The following UBAC2 variants were observed in gnomAD, a reference collection of about 807,000 sequenced individuals.
The protein encoded by UBAC2 is UBA domain containing 2.
UBAC2 carries 26 observed loss-of-function variants against 44.0 expected under a neutral mutation model. The ratio of observed to expected loss-of-function variants is 0.59; its 90% CI spans 0.43 to 0.82. The LOEUF is 0.82. Among genes scored for constraint, UBAC2 ranks in the 40% least tolerant of loss-of-function variants. The pLI is 0.00. For missense variants in UBAC2, 329 were observed against 419.4 expected, an observed-to-expected ratio of 0.78 and a Z score of 1.88; for synonymous variants, 155 against 154.3, an observed-to-expected ratio of 1.00 and a Z score of -0.04.
chr13:99,375,801 C>CTTTTTTTTTTTTT (rs34318354), intron 8 of UBAC2, among the ~76,000 whole-genome samples: 3 of 110,888 alleles, frequency 2.7e-5, no homozygotes, highest in African/African-American at 3.7e-5. Flanking sequence ...TCCTTTTTCC[C>CTTTTTTTTTTTTT]TTTTTTTTTT....
chr13:99,315,201 G>A (rs954310069), intron 5 of UBAC2, among the ~76,000 whole-genome samples: 5 of 151,536 alleles, frequency 3.3e-5, no homozygotes, highest in East Asian at 1.9e-4. Context: ...ACCGTTACAC[G>A]CCCCCTGATC....
intron 4 of UBAC2, among the ~76,000 whole-genome samples, chr13:99,301,651 AAAT>A (rs1183004448): frequency 1.3e-5 from 2 of 152,220 alleles, no homozygotes; most frequent in African/African-American, 4.8e-5. Context: ...AAGGAAAAAA[AAAT>A]AAAAGGCCCC....
At chr13:99,299,994 C>T (rs910942610) in intron 4 of UBAC2, among the ~76,000 whole-genome samples, 3 of 152,236 alleles carry the variant, frequency 2.0e-5, no homozygotes, top group African/African-American at 7.2e-5. Context: ...CTGTTTCATG[C>T]TGCCCTTAAA....
intron 1 of UBAC2, chr13:99,215,825 CA>C (rs769292053): frequency 9.5e-5 from 55 of 577,956 alleles, no homozygotes; most frequent in Non-Finnish European, 1.6e-4. Flanking sequence ...GAGATCCCAC[CA>C]TCTACTCCTT....
chr13:99,269,705 C>T (rs755025611), intron 4 of UBAC2, among the ~76,000 whole-genome samples: 7 of 152,108 alleles, frequency 4.6e-5, no homozygotes, highest in Non-Finnish European at 8.8e-5. Flanking sequence ...ATTATTACTA[C>T]GAATTCTTAC....
intron 7 of UBAC2, among the ~76,000 whole-genome samples, chr13:99,345,702 C>G (rs529177449): frequency 6.6e-6 from 1 of 152,126 alleles, no homozygotes; most frequent in South Asian, 2.1e-4. Flanking sequence ...ACTTCACTGT[C>G]CCATCAGCTC....
intron 7 of UBAC2, among the ~76,000 whole-genome samples, chr13:99,345,855 G>C (rs1383423560): frequency 6.8e-6 from 1 of 147,968 alleles, no homozygotes; most frequent in Non-Finnish European, 1.5e-5. Flanking sequence ...CAATTCTCCT[G>C]CCTCAGCCTC....
chr13:99,314,341 T>C, intron 5 of UBAC2, 121 bp downstream of exon 5: 1 of 1,187,664 alleles, frequency 8.4e-7, no homozygotes. Context: ...TAATCTTGGC[T>C]TCATGATCTA....
chr13:99,211,872 G>A (rs966152137), intron 1 of UBAC2, among the ~76,000 whole-genome samples: 12 of 152,188 alleles, frequency 7.9e-5, no homozygotes, highest in African/African-American at 2.7e-4. Flanking sequence ...TCCTGGCAGT[G>A]TGCTTTTCCC....
chr13:99,344,981 G>T (rs1448909793), intron 7 of UBAC2, among the ~76,000 whole-genome samples: 2 of 152,238 alleles, frequency 1.3e-5, no homozygotes, highest in Admixed American at 1.3e-4. Context: ...AAGCACCCAT[G>T]CAGTGAAAAT....
intron 8 of UBAC2, among the ~76,000 whole-genome samples, chr13:99,374,469 G>A (rs1450908146): frequency 6.6e-6 from 1 of 152,190 alleles, no homozygotes; most frequent in East Asian, 1.9e-4. Flanking sequence ...TGTGGATTCT[G>A]TTTATGTCTC....
intron 7 of UBAC2, chr13:99,351,429 T>A: frequency 4.8e-6 from 2 of 417,248 alleles, no homozygotes; most frequent in South Asian, 1.8e-5. Context: ...GTATCTTTGA[T>A]CTCTTGCCTC....
At position 99,327,831 on chromosome 13, in the gene UBAC2, C is replaced by A. The variant is rs1021924649; in HGVS notation, c.561+9762C>A. The stretch of plus-strand genomic sequence containing the variant: ...TCACATTCTTTTTTATTAAAAGATT[C>A]TTTTTCCCTTTTTTTGTTTATTAAG... On this transcript the variant is annotated intron_variant, in intron 6 of 8. Coordinates refer to ENST00000403766, the MANE Select transcript of UBAC2 (RefSeq NM_001144072.2). 3.3e-5 allele frequency among the ~76,000 whole-genome samples: 5 copies of A among 152,046 alleles called. No homozygotes were observed. In the South Asian group the frequency reaches 6.2e-4, roughly 19 times the overall value.
In UBAC2 at chr13:99,318,059, T is replaced by G. The variant is rs1304464650; in HGVS notation, c.551T>G (p.Ile184Arg). The change falls in exon 6 of 9, where the codon ATA becomes AGA. Residue 184 changes from isoleucine to arginine, a missense_variant. Ile to Arg is a moderately conservative substitution (Grantham distance 97, BLOSUM62 -3). Coordinates refer to ENST00000403766, the MANE Select transcript of UBAC2 (RefSeq NM_001144072.2). ...GGTTCCTACATCTGGATTGTAGCCA[T>G]AAGTGGACTTGTAAGTGTGACTACC... is the stretch of plus-strand genomic sequence containing the variant. ...TSGSYIWIVA[I>R]SGLMSGLCYD... The G allele has an allele frequency of 1.2e-6, 2 of 1,612,580 alleles. No individual in the cohort carries two copies. Among genetic ancestry groups the G allele is most frequent in the Non-Finnish European group, 1.7e-6 (2 of 1,179,402 alleles).
In UBAC2 at chr13:99,362,255, A is replaced by G. The variant is rs552275829; in HGVS notation, c.808-5532A>G. 2.0e-5 allele frequency among the ~76,000 whole-genome samples: 3 copies of G among 152,338 alleles called. No homozygotes were observed. The South Asian group carries it at 6.2e-4, about 32-fold the overall frequency. The stretch of plus-strand genomic sequence containing the variant: ...CTTTTATAATGGTCTTTTATATAAT[A>G]GAACCACTTATTAATTTATTTCCCT... On this transcript the variant is annotated intron_variant, in intron 7 of 8. Coordinates refer to ENST00000403766, the MANE Select transcript of UBAC2 (RefSeq NM_001144072.2).
intron 4 of UBAC2, among the ~76,000 whole-genome samples, chr13:99,306,257 T>A (rs2138745747): frequency 6.6e-6 from 1 of 152,228 alleles, no homozygotes; most frequent in Non-Finnish European, 1.5e-5. Context: ...CTCTGGTACG[T>A]CAGTGGCCAG....
At position 99,239,582 on chromosome 13, in the gene UBAC2, C is replaced by T. The variant is rs940730463; in HGVS notation, c.159+1028C>T. Among the ~76,000 whole-genome samples the T allele has an allele frequency of 3.9e-5, 6 of 152,316 alleles. No homozygotes were observed. The Middle Eastern group carries it at 0.01, about 259-fold the overall frequency. Reference sequence around the variant, plus strand: ...TGAGGACCACTAATGTAAGGGCCCCCGGGCCTTGGGTTGATACCTTCCTAA... The same window carrying T: ...TGAGGACCACTAATGTAAGGGCCCCTGGGCCTTGGGTTGATACCTTCCTAA... On this transcript the variant is annotated intron_variant, in intron 2 of 8. Transcript: ENST00000403766.
rs550980229 is a variant in UBAC2, at chr13:99,233,946, C to T, written c.32-4481C>T. On this transcript the variant is annotated intron_variant, in intron 1 of 8. Coordinates refer to ENST00000403766, the MANE Select transcript of UBAC2 (RefSeq NM_001144072.2). ...AGTTCTCAAGACTAGTCTTTTGATA[C>T]TATGAATATTACAGGGTTATTATTT... Among the ~76,000 whole-genome samples the T allele has an allele frequency of 2.6e-5, 4 of 152,066 alleles. No individual in the cohort carries two copies. The South Asian group carries it at 8.3e-4, about 32-fold the overall frequency.
chr13:99,283,005 G>T (rs1471241138), intron 4 of UBAC2, among the ~76,000 whole-genome samples: 2 of 152,182 alleles, frequency 1.3e-5, no homozygotes, highest in Non-Finnish European at 2.9e-5. Flanking sequence ...GTTTTGGCTG[G>T]ATTGTTAGTT....
Sources: gnomAD v4.1 joint callset for allele counts (sites outside exome capture counted in the v4.1 genomes callset) on GRCh38, gnomAD v4.1.1 for gene constraint, MANE v1.5 for transcripts, NCBI Gene and HGNC (gene_info 2026-07-23, HGNC 2026-07-21) for gene names.